KIF16B: variants seen among roughly 807,000 people sequenced by gnomAD.
KIF16B encodes the protein kinesin-like protein KIF16B.
KIF16B carries 98 observed loss-of-function variants against 156.3 expected under a neutral mutation model. The ratio of observed to expected loss-of-function variants is 0.63; its 90% CI spans 0.53 to 0.74. The LOEUF (loss-of-function observed/expected upper bound fraction) is 0.74. Ranked by LOEUF, KIF16B falls within the 30% of genes least tolerant of loss-of-function variation. The pLI, the probability that KIF16B is intolerant of heterozygous loss-of-function variation, is 0.00. For missense variants in KIF16B, 1,421 were observed against 1,606.5 expected, an observed-to-expected ratio of 0.88 and a Z score of 1.97; for synonymous variants, 564 against 583.7, an observed-to-expected ratio of 0.97 and a Z score of 0.49.
chr20:16,559,239 T>C (rs760727604), intron 1 of KIF16B, among the ~76,000 whole-genome samples: 8 of 151,440 alleles, frequency 5.3e-5, no homozygotes, highest in Non-Finnish European at 1.2e-4. Flanking sequence ...ATTTGATAAG[T>C]GAAAGTAAAC....
intron 22 of KIF16B, chr20:16,367,079 GTTT>G: frequency 6.8e-6 from 10 of 1,467,492 alleles, no homozygotes; most frequent in Non-Finnish European, 9.0e-6. Context: ...TGCCTTGACT[GTTT>G]TCACAATGCT....
At chr20:16,454,549 C>T (rs1254509099) in intron 12 of KIF16B, among the ~76,000 whole-genome samples, 1 of 151,832 alleles carries the variant, frequency 6.6e-6, no homozygotes, top group Non-Finnish European at 1.5e-5. Context: ...ACATTTATTA[C>T]TTATTTGATT....
intron 24 of KIF16B, among the ~76,000 whole-genome samples, chr20:16,331,125 C>G (rs571617593): frequency 1.3e-5 from 2 of 152,310 alleles, no homozygotes; most frequent in African/African-American, 4.8e-5. Flanking sequence ...TAGCTGGACC[C>G]AGGAGGACTT....
chr20:16,329,372 T>TG (rs1458276273), intron 24 of KIF16B, among the ~76,000 whole-genome samples: 1 of 152,198 alleles, frequency 6.6e-6, no homozygotes, highest in African/African-American at 2.4e-5. Flanking sequence ...GAACACTTCA[T>TG]GGGGGCTTTG....
chr20:16,470,652 T>A (rs1201964236), intron 12 of KIF16B, among the ~76,000 whole-genome samples: 1 of 148,358 alleles, frequency 6.7e-6, no homozygotes, highest in African/African-American at 2.6e-5. Flanking sequence ...CCCAGCAAAT[T>A]CTTTTTTTCT....
chr20:16,304,636 A>G (rs902872453), intron 25 of KIF16B, among the ~76,000 whole-genome samples: 13 of 152,236 alleles, frequency 8.5e-5, no homozygotes, highest in African/African-American at 3.1e-4. Context: ...TTTAATCTCT[A>G]TGTTTGATAA....
chr20:16,452,137 G>C (rs755432381), intron 12 of KIF16B, among the ~76,000 whole-genome samples: 3 of 152,092 alleles, frequency 2.0e-5, no homozygotes, highest in Non-Finnish European at 2.9e-5. Context: ...GGCTCAGTAG[G>C]AACTGCTCTG....
intron 12 of KIF16B, among the ~76,000 whole-genome samples, chr20:16,436,532 A>T (rs1274264891): frequency 6.6e-6 from 1 of 152,232 alleles, no homozygotes; most frequent in Non-Finnish European, 1.5e-5. Flanking sequence ...CTCTTCAGTA[A>T]CAATAGGAAA....
intron 12 of KIF16B, among the ~76,000 whole-genome samples, chr20:16,434,976 G>T (rs1195355570): frequency 6.6e-6 from 1 of 152,018 alleles, no homozygotes; most frequent in Non-Finnish European, 1.5e-5. Flanking sequence ...AAGTCAGATA[G>T]CCAGAAAGAC....
At chr20:16,423,068 G>C (rs371968896) in intron 15 of KIF16B, among the ~76,000 whole-genome samples, 29 of 152,174 alleles carry the variant, frequency 1.9e-4, no homozygotes, top group African/African-American at 6.0e-4. Flanking sequence ...ATATAATGCT[G>C]TATGTGTTTT....
intron 1 of KIF16B, among the ~76,000 whole-genome samples, chr20:16,529,694 G>GT (rs2069675715): frequency 6.6e-6 from 1 of 152,212 alleles, no homozygotes; most frequent in Non-Finnish European, 1.5e-5. Context: ...GCTCACGCCT[G>GT]TAATCCCTGC....
chr20:16,427,123 C>T lies in KIF16B; in HGVS notation c.1593G>A (p.Glu531=), dbSNP rs750264210. 6 of 1,607,766 alleles carry T rather than the reference C, an allele frequency of 3.7e-6. No homozygotes were observed. The Admixed American group carries it at 1.0e-4, about 27-fold the overall frequency. ...QCSVNGVQIV[E]ATHLNQGAVI... ...AGATACCTTGATTTAGATGTGTGGC[C>T]TCCACGATCTGAACACCATTCACAG... The change falls in exon 15 of 26, where the codon GAG becomes GAA. Residue 531 remains glutamate, a synonymous_variant. Coordinates refer to ENST00000354981, the MANE Select transcript of KIF16B (RefSeq NM_024704.5).
chr20:16,441,514 C>T (rs1336470132), intron 12 of KIF16B, among the ~76,000 whole-genome samples: 3 of 152,112 alleles, frequency 2.0e-5, no homozygotes, highest in East Asian at 1.9e-4. Flanking sequence ...TTGTTTCTCC[C>T]GCTAGACCAA....
intron 12 of KIF16B, among the ~76,000 whole-genome samples, chr20:16,455,903 T>A (rs1383602869): frequency 6.6e-6 from 1 of 152,126 alleles, no homozygotes; most frequent in Non-Finnish European, 1.5e-5. Flanking sequence ...CTTTCCTCCA[T>A]ACAGTAATCA....
chr20:16,405,198 G>A (rs887306726), intron 16 of KIF16B, among the ~76,000 whole-genome samples: 11 of 152,080 alleles, frequency 7.2e-5, no homozygotes, highest in African/African-American at 2.7e-4. Flanking sequence ...CAAGGAAAGG[G>A]GTCACAATAT....
At chr20:16,374,477 C>T (rs988021267) in intron 19 of KIF16B, 68 bp from the exon 20 acceptor site, 1 of 1,395,668 alleles carries the variant, frequency 7.2e-7, no homozygotes, top group Non-Finnish European at 9.5e-7. Context: ...CTGTGTGAGA[C>T]ATTGCTTTAG....
intron 25 of KIF16B, among the ~76,000 whole-genome samples, chr20:16,278,937 C>T (rs138357712): frequency 6.6e-5 from 10 of 152,278 alleles, no homozygotes; most frequent in African/African-American, 1.2e-4. Context: ...ATGGTGCTTT[C>T]GTGGGGACCA....
intron 23 of KIF16B, among the ~76,000 whole-genome samples, chr20:16,344,470 G>A (rs1202702260): frequency 6.6e-6 from 1 of 152,138 alleles, no homozygotes; most frequent in Non-Finnish European, 1.5e-5. Flanking sequence ...CCTCTTCGTG[G>A]TCTCCTAGCT....
chr20:16,512,527 T>C (rs1474212430), intron 5 of KIF16B, among the ~76,000 whole-genome samples: 2 of 152,180 alleles, frequency 1.3e-5, no homozygotes, highest in African/African-American at 4.8e-5. Flanking sequence ...AAGCAAGTAA[T>C]TGGTATACAC....
Sources: gnomAD v4.1 joint callset for allele counts (sites outside exome capture counted in the v4.1 genomes callset) on GRCh38, gnomAD v4.1.1 for gene constraint, MANE v1.5 for transcripts, NCBI Gene and HGNC (gene_info 2026-07-23, HGNC 2026-07-21) for gene names.